The following SEL1L3 variants were observed in gnomAD, a reference collection of about 807,000 sequenced individuals.
The protein encoded by SEL1L3 is protein sel-1 homolog 3.
In SEL1L3, 76 loss-of-function variants were observed where a neutral mutation model predicts 142.8. The observed-to-expected ratio is 0.53, with a 90% CI of 0.44 to 0.64. The LOEUF (loss-of-function observed/expected upper bound fraction) is 0.64. SEL1L3 is among the 30% of genes least tolerant of loss of function. SEL1L3 has a pLI of 0.00. For missense variants in SEL1L3, 1,262 were observed against 1,381.7 expected, an observed-to-expected ratio of 0.91 and a Z score of 1.37; for synonymous variants, 504 against 519.6, an observed-to-expected ratio of 0.97 and a Z score of 0.41.
chr4:25,855,430 C>G (rs149136283), intron 1 of SEL1L3, among the ~76,000 whole-genome samples: 142 of 152,284 alleles, frequency 9.3e-4, no homozygotes, highest in African/African-American at 3.2e-3. Flanking sequence ...GTCTGACACA[C>G]AGTAAGAATT....
At chr4:25,791,368 T>C (rs1712323570) in intron 11 of SEL1L3, among the ~76,000 whole-genome samples, 1 of 152,246 alleles carries the variant, frequency 6.6e-6, no homozygotes, top group African/African-American at 2.4e-5. Context: ...ATGTTTAGAA[T>C]TTGCACACAG....
intron 6 of SEL1L3, 59 bp from the exon 7 acceptor site, chr4:25,822,187 C>CA: frequency 6.2e-7 from 1 of 1,603,056 alleles, no homozygotes; most frequent in Non-Finnish European, 8.5e-7. Context: ...GATTTAAAAA[C>CA]AGTCTCTTTC....
intron 9 of SEL1L3, among the ~76,000 whole-genome samples, chr4:25,815,506 A>G (rs886175532): frequency 3.3e-5 from 5 of 152,224 alleles, no homozygotes; most frequent in African/African-American, 1.2e-4. Context: ...ACATTCTCAT[A>G]GACAGTATTT....
At chr4:25,856,782 T>C (rs1019237057) in intron 1 of SEL1L3, among the ~76,000 whole-genome samples, 9 of 152,214 alleles carry the variant, frequency 5.9e-5, no homozygotes, top group Non-Finnish European at 8.8e-5. Flanking sequence ...TAACTGCATT[T>C]GATTCCTTTA....
At chr4:25,733,329 T>C in the SEL1L3 span, among the ~76,000 whole-genome samples, 227 of 152,168 alleles carry the variant, frequency 1.5e-3, 6 homozygotes, top group East Asian at 0.038. Flanking sequence ...AGAATACAGG[T>C]CTTGTAAGCC....
the SEL1L3 span, among the ~76,000 whole-genome samples, chr4:25,741,622 GT>G: frequency 2.0e-5 from 3 of 152,012 alleles, no homozygotes; most frequent in Admixed American, 1.3e-4. Context: ...CATTCTAGAT[GT>G]TGATACTTCA....
intron 6 of SEL1L3, among the ~76,000 whole-genome samples, chr4:25,826,825 G>A (rs7687836): frequency 0.087 from 13,274 of 151,972 alleles, 1,955 homozygotes; most frequent in African/African-American, 0.3. Context: ...CACCATGCCC[G>A]GCTAATTTTT....
At chr4:25,823,480 C>T (rs533522855) in intron 6 of SEL1L3, among the ~76,000 whole-genome samples, 7 of 152,222 alleles carry the variant, frequency 4.6e-5, no homozygotes, top group African/African-American at 1.7e-4. Flanking sequence ...CGCCACTGCA[C>T]TCCAACCTGG....
At chr4:25,808,706 T>C (rs1203706285) in intron 9 of SEL1L3, among the ~76,000 whole-genome samples, 1 of 152,164 alleles carries the variant, frequency 6.6e-6, no homozygotes, top group Non-Finnish European at 1.5e-5. Context: ...ACACAGGGCA[T>C]TCCTCATTTG....
Position 25,862,673 on chromosome 4 carries a change from AC to A in SEL1L3, c.162+1del. 7.8e-7 allele frequency: 1 copy of A among 1,284,436 alleles called. No homozygotes were observed. The highest frequency in any genetic ancestry group is 9.9e-7 in the Non-Finnish European group (1 of 1,013,244). The allele number at this position is 1,284,436 out of a possible 1,614,324, so 79.6% of individuals were successfully genotyped here. A position where few individuals can be genotyped will look rare whatever the true frequency, so the allele number is the denominator to read the frequency against. ...AAGACCCGGGCAGGGTCCGGCGCTC[AC>A]CAGGTAGCAGAGCAGGAGCAGCGCG... On this transcript the variant is annotated splice_donor_variant, in intron 1 of 23. Coordinates refer to ENST00000399878, the MANE Select transcript of SEL1L3 (RefSeq NM_015187.5). LOFTEE classifies it high-confidence loss of function.
the SEL1L3 span, among the ~76,000 whole-genome samples, chr4:25,736,010 T>C: frequency 2.7e-4 from 41 of 151,832 alleles, no homozygotes; most frequent in South Asian, 4.2e-4. Flanking sequence ...TGTGTATTTT[T>C]AGTAGAGACG....
At chr4:25,837,440 G>T (rs1005748017) in intron 2 of SEL1L3, among the ~76,000 whole-genome samples, 2 of 150,628 alleles carry the variant, frequency 1.3e-5, no homozygotes, top group Non-Finnish European at 3.0e-5. Flanking sequence ...AGAGTTAAAC[G>T]TGAATGACAA....
chr4:25,728,521 G>A, the SEL1L3 span, among the ~76,000 whole-genome samples: 3 of 151,982 alleles, frequency 2.0e-5, no homozygotes, highest in Non-Finnish European at 2.9e-5. Context: ...TTCCCACCTG[G>A]CATGCCCTTT....
chr4:25,768,854 A>C (rs1160341701), intron 17 of SEL1L3, among the ~76,000 whole-genome samples: 1 of 152,148 alleles, frequency 6.6e-6, no homozygotes, highest in Non-Finnish European at 1.5e-5. Context: ...TTATTTTTGC[A>C]AAACAAAAAT....
chr4:25,824,927 T>G (rs1185667762), intron 6 of SEL1L3, among the ~76,000 whole-genome samples: 1 of 152,212 alleles, frequency 6.6e-6, no homozygotes, highest in African/African-American at 2.4e-5. Flanking sequence ...GGGCTCTGAT[T>G]ATTTTCACAA....
chr4:25,836,285 A>G (rs1224772497), intron 2 of SEL1L3, among the ~76,000 whole-genome samples: 1 of 152,168 alleles, frequency 6.6e-6, no homozygotes, highest in Non-Finnish European at 1.5e-5. Context: ...CTAAGTATGA[A>G]TTTTTGGTTT....
chr4:25,834,585 C>G (rs773604214), intron 3 of SEL1L3, among the ~76,000 whole-genome samples: 36 of 152,166 alleles, frequency 2.4e-4, no homozygotes, highest in Non-Finnish European at 4.7e-4. Context: ...TCCCTCCTGA[C>G]CCACCCAGCT....
intron 23 of SEL1L3, chr4:25,756,482 T>C: frequency 1.0e-6 from 1 of 979,984 alleles, no homozygotes; most frequent in Non-Finnish European, 1.2e-6. Context: ...CTTACGTGCA[T>C]TTTTTTTCAC....
chr4:25,772,733 T>A (rs1719314900), intron 17 of SEL1L3, among the ~76,000 whole-genome samples: 1 of 152,188 alleles, frequency 6.6e-6, no homozygotes, highest in South Asian at 2.1e-4. Flanking sequence ...TTGTGATCTG[T>A]TACAGCAGTG....
Sources: gnomAD v4.1 joint callset for allele counts (sites outside exome capture counted in the v4.1 genomes callset) on GRCh38, gnomAD v4.1.1 for gene constraint, MANE v1.5 for transcripts, NCBI Gene and HGNC (gene_info 2026-07-23, HGNC 2026-07-21) for gene names.